Variants in PPM1H observed in about 807,000 individuals in gnomAD.
The protein encoded by PPM1H is protein phosphatase, Mg2+/Mn2+ dependent 1H.
Under a neutral mutation model 54.9 loss-of-function variants are expected in PPM1H, and 27 were observed. The ratio of observed to expected loss-of-function variants is 0.49; its 90% CI spans 0.36 to 0.68. The LOEUF (loss-of-function observed/expected upper bound fraction) is 0.68. Among genes scored for constraint, PPM1H ranks in the 30% least tolerant of loss-of-function variants. The pLI is 0.00. For synonymous variants in PPM1H, 305 were observed against 270.8 expected, an observed-to-expected ratio of 1.13 and a Z score of -1.24; for missense variants, 596 against 667.8, an observed-to-expected ratio of 0.89 and a Z score of 1.19.
intron 4 of PPM1H, among the ~76,000 whole-genome samples, chr12:62,739,539 C>T (rs1272732823): frequency 6.6e-6 from 1 of 152,172 alleles, no homozygotes; most frequent in African/African-American, 2.4e-5. Flanking sequence ...TTGCCTAAAG[C>T]TACTCTTAAC....
At chr12:62,738,441 C>T (rs567347446) in intron 4 of PPM1H, among the ~76,000 whole-genome samples, 2 of 152,204 alleles carry the variant, frequency 1.3e-5, no homozygotes, top group East Asian at 3.9e-4. Flanking sequence ...AGAGCTATTG[C>T]CCAGTCAAGG....
chr12:62,686,993 C>T (rs2076056663), intron 8 of PPM1H, among the ~76,000 whole-genome samples: 1 of 152,156 alleles, frequency 6.6e-6, no homozygotes, highest in African/African-American at 2.4e-5. Context: ...AATACACAGG[C>T]TGGGAAGTCA....
intron 5 of PPM1H, among the ~76,000 whole-genome samples, chr12:62,722,385 T>C (rs1245084367): frequency 6.6e-6 from 1 of 152,176 alleles, no homozygotes; most frequent in African/African-American, 2.4e-5. Context: ...AGGAGTCGAT[T>C]TGATTTACAA....
At chr12:62,821,622 C>T (rs1251894346) in intron 2 of PPM1H, among the ~76,000 whole-genome samples, 1 of 152,130 alleles carries the variant, frequency 6.6e-6, no homozygotes, top group African/African-American at 2.4e-5. Flanking sequence ...CAATATTCAA[C>T]ATTCTTAAAG....
intron 1 of PPM1H, among the ~76,000 whole-genome samples, chr12:62,842,366 GTAATT>G (rs2120895952): frequency 6.6e-6 from 1 of 151,976 alleles, no homozygotes; most frequent in East Asian, 1.9e-4. Context: ...TTTCAAATGT[GTAATT>G]TAAACAAAAT....
At chr12:62,828,230 G>A (rs758557910) in intron 2 of PPM1H, among the ~76,000 whole-genome samples, 52 of 152,088 alleles carry the variant, frequency 3.4e-4, no homozygotes, top group Non-Finnish European at 1.3e-4. Context: ...TTATAGAAGT[G>A]GAAGCCAAAG....
intron 7 of PPM1H, among the ~76,000 whole-genome samples, chr12:62,690,730 G>C (rs2076078178): frequency 6.6e-6 from 1 of 152,202 alleles, no homozygotes; most frequent in Non-Finnish European, 1.5e-5. Context: ...CCAGCACTTT[G>C]GGAGGCTGAG....
intron 1 of PPM1H, among the ~76,000 whole-genome samples, chr12:62,879,449 C>T (rs965662608): frequency 6.6e-6 from 1 of 152,160 alleles, no homozygotes; most frequent in African/African-American, 2.4e-5. Context: ...AGGATGAGTT[C>T]ATGCCCTTTT....
intron 4 of PPM1H, among the ~76,000 whole-genome samples, chr12:62,777,294 C>T (rs2076616588): frequency 6.6e-6 from 1 of 152,176 alleles, no homozygotes; most frequent in Admixed American, 6.5e-5. Flanking sequence ...TCTCCTGAAA[C>T]ACCTGCCTTG....
intron 4 of PPM1H, among the ~76,000 whole-genome samples, chr12:62,766,727 G>A (rs1010316074): frequency 6.6e-6 from 1 of 152,220 alleles, no homozygotes; most frequent in African/African-American, 2.4e-5. Flanking sequence ...TCACACAGCT[G>A]TTTCTTGCAA....
chr12:62,681,063 A>G (rs1430340672), intron 8 of PPM1H, among the ~76,000 whole-genome samples: 1 of 152,194 alleles, frequency 6.6e-6, no homozygotes, highest in East Asian at 1.9e-4. Flanking sequence ...TGGGGGCTAG[A>G]GGAGAGGAAT....
intron 1 of PPM1H, among the ~76,000 whole-genome samples, chr12:62,878,188 G>A (rs1330242106): frequency 2.6e-5 from 4 of 152,108 alleles, no homozygotes; most frequent in Non-Finnish European, 5.9e-5. Context: ...GTGAGCCACC[G>A]CGCCCAGCCT....
At chr12:62,735,455 C>T (rs547814325) in intron 5 of PPM1H, among the ~76,000 whole-genome samples, 60 of 152,148 alleles carry the variant, frequency 3.9e-4, no homozygotes, top group Middle Eastern at 3.4e-3. Context: ...TGGGCTCAAG[C>T]GATCCTCCCA....
intron 2 of PPM1H, among the ~76,000 whole-genome samples, chr12:62,805,227 T>C (rs559625385): frequency 1.3e-5 from 2 of 152,100 alleles, no homozygotes; most frequent in African/African-American, 2.4e-5. Flanking sequence ...TTAGTGAGGA[T>C]GTGTAGAAAA....
intron 1 of PPM1H, among the ~76,000 whole-genome samples, chr12:62,882,850 C>T (rs1164607781): frequency 3.3e-5 from 5 of 152,128 alleles, no homozygotes; most frequent in African/African-American, 7.2e-5. Flanking sequence ...ACCCCCAGTG[C>T]GGTTTCATGC....
intron 5 of PPM1H, among the ~76,000 whole-genome samples, chr12:62,731,334 A>C (rs535377967): frequency 6.6e-6 from 1 of 152,258 alleles, no homozygotes; most frequent in East Asian, 1.9e-4. Flanking sequence ...TCTCTTTCTG[A>C]ATAAAGCCAG....
intron 2 of PPM1H, among the ~76,000 whole-genome samples, chr12:62,828,485 G>A (rs1354909349): frequency 6.6e-6 from 1 of 152,166 alleles, no homozygotes; most frequent in East Asian, 1.9e-4. Flanking sequence ...CCTTCTCAGT[G>A]ATGCCTTCAT....
intron 4 of PPM1H, among the ~76,000 whole-genome samples, chr12:62,787,196 A>G (rs1391146817): frequency 2.0e-5 from 3 of 152,174 alleles, no homozygotes; most frequent in Non-Finnish European, 4.4e-5. Flanking sequence ...GGCAACAGCA[A>G]CTTAAGCTGG....
intron 2 of PPM1H, among the ~76,000 whole-genome samples, chr12:62,803,852 A>G (rs914169103): frequency 9.9e-5 from 15 of 152,226 alleles, no homozygotes; most frequent in Non-Finnish European, 1.9e-4. Context: ...CTACAATTCT[A>G]TTGCAAACAA....
Sources: allele counts gnomAD v4.1 joint callset (sites outside exome capture counted in the v4.1 genomes callset), GRCh38; gene constraint gnomAD v4.1.1; transcripts MANE v1.5; gene names NCBI Gene and HGNC (gene_info 2026-07-23, HGNC 2026-07-21).